VEGFC: variants seen among roughly 807,000 people sequenced by gnomAD.
The protein encoded by VEGFC is vascular endothelial growth factor C, also known as FLT4 ligand DHM.
VEGFC carries 12 observed loss-of-function variants against 46.1 expected under a neutral mutation model. The ratio of observed to expected loss-of-function variants is 0.26; its 90% CI spans 0.17 to 0.42. The LOEUF (loss-of-function observed/expected upper bound fraction) is 0.42, where lower values mean the gene tolerates loss of function less well. Among genes scored for constraint, VEGFC ranks in the 10% least tolerant of loss-of-function variants. VEGFC has a pLI of 1.00. For missense variants in VEGFC, 488 were observed against 529.4 expected, an observed-to-expected ratio of 0.92 and a Z score of 0.77; for synonymous variants, 232 against 195.5, an observed-to-expected ratio of 1.19 and a Z score of -1.56.
chr4:176,788,967 G>A lies in VEGFC; in HGVS notation c.147+3198C>T, dbSNP rs1017470879. Among the ~76,000 whole-genome samples the A allele has an allele frequency of 5.3e-5, 8 of 152,354 alleles. No individual in the cohort carries two copies. The East Asian group carries it at 7.7e-4, about 15-fold the overall frequency. ...ACTAACTTGCAAAGCTCTTTGCGAA[G>A]TGCTTAACACACGTTATGAACATCA... is the stretch of plus-strand genomic sequence containing the variant. On this transcript the variant is annotated intron_variant, in intron 1 of 6. Transcript: ENST00000618562.
intron 3 of VEGFC, among the ~76,000 whole-genome samples, chr4:176,725,528 T>G (rs1234797283): frequency 6.6e-6 from 1 of 152,034 alleles, no homozygotes; most frequent in Non-Finnish European, 1.5e-5. Flanking sequence ...GAAAAGATTA[T>G]GAAGAAAGGA....
chr4:176,785,621 G>C (rs1735989924), intron 1 of VEGFC, among the ~76,000 whole-genome samples: 1 of 124,194 alleles, frequency 8.1e-6, no homozygotes, highest in Non-Finnish European at 1.8e-5. Flanking sequence ...GGACACTTTA[G>C]GGTTCTCTCC....
At chr4:176,791,102 T>C (rs1213492532) in intron 1 of VEGFC, among the ~76,000 whole-genome samples, 2 of 152,174 alleles carry the variant, frequency 1.3e-5, no homozygotes, top group African/African-American at 4.8e-5. Context: ...TTTCAAAATA[T>C]AAGGCTATTT....
In VEGFC at chr4:176,776,818, G is replaced by T. The variant is rs562249528; in HGVS notation, c.147+15347C>A. 2.6e-5 allele frequency among the ~76,000 whole-genome samples: 4 copies of T among 152,214 alleles called. No homozygotes were observed. The South Asian group carries it at 6.2e-4, about 24-fold the overall frequency. On this transcript the variant is annotated intron_variant, in intron 1 of 6. Transcript: ENST00000618562. ...GTGTGTTTTATTTTGCTTGGCTTTG[G>T]TTTTTTGTATCTATCAAAATGAACA...
In VEGFC at chr4:176,738,636, G is replaced by A. The variant is rs1735095610; in HGVS notation, c.148-8890C>T. ...CTAGGCAATACCATTGAGGACACAG[G>A]CATAGGCAAAGATTTCATGACGAAG... On this transcript the variant is annotated intron_variant, in intron 1 of 6. Transcript: ENST00000618562. 2.6e-5 allele frequency among the ~76,000 whole-genome samples: 4 copies of A among 151,990 alleles called. No homozygotes were observed. The South Asian group carries it at 8.3e-4, about 31-fold the overall frequency.
intron 3 of VEGFC, among the ~76,000 whole-genome samples, chr4:176,719,976 T>C (rs1160472679): frequency 3.9e-5 from 6 of 151,940 alleles, no homozygotes; most frequent in Non-Finnish European, 8.8e-5. Flanking sequence ...GGAGAATCGC[T>C]TGAACCCAGG....
chr4:176,742,245 T>C (rs559375242), intron 1 of VEGFC, among the ~76,000 whole-genome samples: 2 of 152,236 alleles, frequency 1.3e-5, no homozygotes, highest in South Asian at 2.1e-4. Flanking sequence ...AGAGTCCATG[T>C]TGCTGCAAAG....
intron 3 of VEGFC, among the ~76,000 whole-genome samples, chr4:176,721,026 C>G (rs115758976): frequency 2.0e-5 from 3 of 151,752 alleles, no homozygotes; most frequent in African/African-American, 4.8e-5. Context: ...CATCGAGATA[C>G]GGGATCATGT....
At chr4:176,707,980 C>T (rs1052343258) in intron 4 of VEGFC, among the ~76,000 whole-genome samples, 2 of 151,462 alleles carry the variant, frequency 1.3e-5, no homozygotes, top group Non-Finnish European at 2.9e-5. Context: ...ATTATTAATT[C>T]TACAAATGTT....
intron 3 of VEGFC, among the ~76,000 whole-genome samples, chr4:176,726,736 TAA>T (rs1278912407): frequency 6.6e-6 from 1 of 152,214 alleles, no homozygotes; most frequent in Non-Finnish European, 1.5e-5. Flanking sequence ...TATATTGAAA[TAA>T]GAGTAGGTTT....
intron 4 of VEGFC, among the ~76,000 whole-genome samples, chr4:176,701,469 C>CA (rs1734431378): frequency 6.6e-6 from 1 of 152,154 alleles, no homozygotes; most frequent in Admixed American, 6.6e-5. Context: ...TGTTATTTCT[C>CA]ACAATCTATC....
intron 1 of VEGFC, among the ~76,000 whole-genome samples, chr4:176,765,626 G>C (rs1735606841): frequency 6.7e-6 from 1 of 149,800 alleles, no homozygotes; most frequent in Non-Finnish European, 1.5e-5. Context: ...CGTGATCTCG[G>C]CTCACTGTAA....
chr4:176,689,267 G>A (rs1734104888), intron 4 of VEGFC: 1 of 152,100 alleles, frequency 6.6e-6, no homozygotes, highest in African/African-American at 2.4e-5. Context: ...TAAACAAACA[G>A]GCCAGTTACT....
intron 1 of VEGFC, among the ~76,000 whole-genome samples, chr4:176,752,960 T>A: frequency 6.6e-6 from 1 of 152,142 alleles, no homozygotes; most frequent in East Asian, 1.9e-4. Context: ...AAATAATTGT[T>A]AGAATTTATT....
At chr4:176,784,140 C>T (rs550618163) in intron 1 of VEGFC, among the ~76,000 whole-genome samples, 3 of 149,520 alleles carry the variant, frequency 2.0e-5, no homozygotes, top group Non-Finnish European at 3.0e-5. Context: ...TCTCAGCTCA[C>T]TCACTGCAAC....
At position 176,683,867 on chromosome 4, in the gene VEGFC, T is replaced by C; in HGVS notation, c.*59A>G. The stretch of plus-strand genomic sequence containing the variant: ...GGGTCTCTCTGTTCACAGACAGTTC[T>C]ACTGTGGCAACACAGTTTTCCATAA... On this transcript the variant is annotated 3_prime_UTR_variant, in exon 7 of 7. Transcript: ENST00000618562. 4 of 1,382,180 alleles carry C rather than the reference T, an allele frequency of 2.9e-6. No homozygotes were observed. In the Admixed American group the frequency reaches 5.0e-5, roughly 17 times the overall value. The allele number at this position is 1,382,180 out of a possible 1,614,324, so 85.6% of individuals were successfully genotyped here.
At chr4:176,746,101 A>C (rs569757543) in intron 1 of VEGFC, among the ~76,000 whole-genome samples, 2 of 152,020 alleles carry the variant, frequency 1.3e-5, no homozygotes. Flanking sequence ...ACCACAGAGC[A>C]TTTTCTATTT....
intron 1 of VEGFC, among the ~76,000 whole-genome samples, chr4:176,771,750 T>C (rs1735726557): frequency 6.6e-6 from 1 of 152,180 alleles, no homozygotes; most frequent in Admixed American, 6.5e-5. Context: ...ACTGCATCTG[T>C]ACCAGGTGTT....
At chr4:176,757,732 C>T (rs970952566) in intron 1 of VEGFC, among the ~76,000 whole-genome samples, 1 of 151,860 alleles carries the variant, frequency 6.6e-6, no homozygotes, top group East Asian at 1.9e-4. Flanking sequence ...TTTTCAGGTT[C>T]CAATTCTTTC....
Sources: allele counts gnomAD v4.1 joint callset (sites outside exome capture counted in the v4.1 genomes callset), GRCh38; gene constraint gnomAD v4.1.1; transcripts MANE v1.5; gene names NCBI Gene and HGNC (gene_info 2026-07-23, HGNC 2026-07-21).